PLG: variants seen among roughly 807,000 people sequenced by gnomAD.
PLG encodes the protein plasmin.
PLG carries 41 observed loss-of-function variants against 104.4 expected under a neutral mutation model. The ratio of observed to expected loss-of-function variants is 0.39; its 90% CI spans 0.31 to 0.51. The LOEUF is 0.51. PLG is among the 20% of genes least tolerant of loss of function. The pLI, the probability that PLG is intolerant of heterozygous loss-of-function variation, is 0.76. For synonymous variants in PLG, 337 were observed against 357.1 expected (o/e 0.94, Z 0.63); for missense variants, 891 against 1,003.6 (o/e 0.89, Z 1.52).
chr6:160,716,774 T>C lies in PLG; in HGVS notation c.787+11T>C. On this transcript the variant is annotated intron_variant, in intron 7 of 18. Transcript: ENST00000308192. ...ACATCCCCCGCTGCAGTGAGTATGA[T>C]GCACACCCAGATTCCAGGATTTGGA... The C allele has an allele frequency of 4.1e-6, 6 of 1,457,598 alleles. No homozygotes were observed. The highest frequency in any genetic ancestry group is 4.8e-6 in the Non-Finnish European group (5 of 1,037,358). 90.3% of individuals were successfully genotyped at this position (1,457,598 alleles called of 1,614,324 possible). A position where few individuals can be genotyped will look rare whatever the true frequency, so the allele number is the denominator to read the frequency against.
intron 10 of PLG, among the ~76,000 whole-genome samples, chr6:160,728,320 A>G (rs1387842441): frequency 2.0e-5 from 3 of 152,238 alleles, no homozygotes; most frequent in Admixed American, 2.0e-4. Context: ...ATAAAGATAT[A>G]TCACGCTTAT....
chr6:160,722,688 G>A, intron 10 of PLG, 121 bp downstream of exon 10: 1 of 830,336 alleles, frequency 1.2e-6, no homozygotes, highest in South Asian at 1.5e-5. Context: ...CCCAGAATGT[G>A]TAGAAAAATG....
chr6:160,738,402 T>C lies in PLG; in HGVS notation c.1803-136T>C. 1 of 715,292 alleles carries C rather than the reference T, an allele frequency of 1.4e-6. No homozygotes were observed. The highest frequency in any genetic ancestry group is 2.6e-6 in the Non-Finnish European group (1 of 388,488). The allele number at this position is 715,292 out of a possible 1,614,324, so 44.3% of individuals were successfully genotyped here. On this transcript the variant is annotated intron_variant, in intron 14 of 18. Transcript: ENST00000308192. The surrounding 1 kb of genome is among the most constrained non-coding windows in gnomAD (Gnocchi z 6.8). ...CTGGCCAAAATTACTACCATCCTGATGCTGGGCTTGCAGTCCTTTCCTTTG... is the reference window on the plus strand; with the variant it reads ...CTGGCCAAAATTACTACCATCCTGACGCTGGGCTTGCAGTCCTTTCCTTTG...
chr6:160,730,987 G>C, intron 10 of PLG, 64 bp from the exon 11 acceptor site: 1 of 1,492,080 alleles, frequency 6.7e-7, no homozygotes, highest in Non-Finnish European at 9.3e-7. Context: ...AAAATGTAGA[G>C]GGTGCTGGGT....
At chr6:160,705,720 T>A (rs192997452) in intron 1 of PLG, 1 of 152,444 alleles carries the variant, frequency 6.6e-6, no homozygotes, top group Admixed American at 6.5e-5. Flanking sequence ...CAAGTGACAG[T>A]GCCAGAACCA....
intron 10 of PLG, among the ~76,000 whole-genome samples, chr6:160,727,351 T>C (rs1242158952): frequency 6.7e-6 from 1 of 150,354 alleles, no homozygotes; most frequent in Admixed American, 6.6e-5. Flanking sequence ...TAAGTTCAGA[T>C]GGCATCATTA....
chr6:160,703,685 A>G (rs1414329064), intron 1 of PLG, among the ~76,000 whole-genome samples: 1 of 152,248 alleles, frequency 6.6e-6, no homozygotes, highest in Non-Finnish European at 1.5e-5. Context: ...GAGAAAATTA[A>G]AGAAATTTTT....
At chr6:160,705,091 C>T (rs560119239) in intron 1 of PLG, among the ~76,000 whole-genome samples, 89 of 152,296 alleles carry the variant, frequency 5.8e-4, no homozygotes, top group South Asian at 2.1e-3. Context: ...GCCCCCACCA[C>T]GCCCCTCAAA....
intron 17 of PLG, among the ~76,000 whole-genome samples, chr6:160,742,724 TC>T (rs1562381737): frequency 6.6e-6 from 1 of 152,172 alleles, no homozygotes; most frequent in African/African-American, 2.4e-5. Context: ...TTTTGCCCGT[TC>T]CTATGTCCAG....
Position 160,741,865 on chromosome 6 carries a change from A to G in PLG, c.2125+448A>G, listed in dbSNP as rs577943027. 2.0e-4 allele frequency among the ~76,000 whole-genome samples: 31 copies of G among 152,172 alleles called. 1 individual carries two copies. In the East Asian group the frequency reaches 4.3e-3, roughly 21 times the overall value. ...GTCTGTTGCTCTCTTCTTTGTGTCC[A>G]TGAGTTCTCATCACTTAGCTCCCAC... On this transcript the variant is annotated intron_variant, in intron 17 of 18. Transcript: ENST00000308192. The surrounding 1 kb of genome is among the most constrained non-coding windows in gnomAD (Gnocchi z 4.7).
chr6:160,748,362 A>AAGAAAGAAAGAAAGAAAGAGAGAGAGAG, intron 17 of PLG, among the ~76,000 whole-genome samples: 1 of 37,118 alleles, frequency 2.7e-5, no homozygotes, highest in Non-Finnish European at 5.3e-5. Flanking sequence ...GAAAGAAAGA[A>AAGAAAGAAAGAAAGAAAGAGAGAGAGAG]AGAAAGAAAG....
At chr6:160,708,936 A>G (rs1412690880) in intron 3 of PLG, among the ~76,000 whole-genome samples, 1 of 151,856 alleles carries the variant, frequency 6.6e-6, no homozygotes, top group Non-Finnish European at 1.5e-5. Context: ...AGCAAACGGT[A>G]AACTAAATAG....
intron 9 of PLG, among the ~76,000 whole-genome samples, chr6:160,720,044 G>T (rs1331646948): frequency 6.6e-6 from 1 of 152,068 alleles, no homozygotes; most frequent in Non-Finnish European, 1.5e-5. Flanking sequence ...TGTAGCACAG[G>T]TCTGCTACTG....
At chr6:160,733,956 C>A in intron 12 of PLG, 39 bp from the exon 13 acceptor site, 1 of 1,077,498 alleles carries the variant, frequency 9.3e-7, no homozygotes, top group African/African-American at 1.5e-5. Context: ...CCTCTCCTGC[C>A]CCACGTGAGC....
rs957838957 is a variant in PLG, at chr6:160,714,917, A to C, written c.668+3A>C. The C allele has an allele frequency of 6.2e-7, 1 of 1,613,164 alleles. No individual in the cohort carries two copies. Among genetic ancestry groups the C allele is most frequent in the African/African-American group, 1.3e-5 (1 of 74,920 alleles). On this transcript the variant is annotated splice_donor_region_variant and intron_variant, in intron 6 of 18. Transcript: ENST00000308192. ...GCTCATGGATACATTCCTTCCAAGTAAGTCTCACTGGGAAAAACATTCCAT... is the reference window on the plus strand; with the variant it reads ...GCTCATGGATACATTCCTTCCAAGTCAGTCTCACTGGGAAAAACATTCCAT...
At chr6:160,713,566 G>A (rs1036692888) in intron 5 of PLG, among the ~76,000 whole-genome samples, 1 of 152,144 alleles carries the variant, frequency 6.6e-6, no homozygotes, top group African/African-American at 2.4e-5. Flanking sequence ...ACCATGCCCA[G>A]CAGACCTGAA....
intron 10 of PLG, among the ~76,000 whole-genome samples, chr6:160,730,131 G>A (rs980191690): frequency 5.3e-5 from 8 of 152,222 alleles, no homozygotes; most frequent in Non-Finnish European, 2.9e-5. Flanking sequence ...TGGGAGGCAT[G>A]AGGGGGAGCA....
rs757799843 is a variant in PLG at position 160,739,088 on chromosome 6, A to G, written c.1898A>G (p.Tyr633Cys). ...CLEKSPRPSSYKVILGAHQEV... is the reference protein window; with the variant it reads ...CLEKSPRPSSCKVILGAHQEV... ...TCTAGGTCCCCAAGGCCTTCATCCT[A>G]CAAGGTCATCCTGGGTGCACACCAA... is the stretch of plus-strand genomic sequence containing the variant. Residue 633 changes from tyrosine to cysteine, a missense_variant, in exon 16 of 19, where the codon TAC becomes TGC. Around this residue, in one of 2 missense-constraint regions of PLG, gnomAD observed 854 missense variants for 932.1 expected, o/e 0.92. Transcript: ENST00000308192. This position sits in a 1 kb window ranked among gnomAD's most constrained non-coding sequence, Gnocchi z 4.4. 2 of 1,614,050 alleles carry G rather than the reference A, an allele frequency of 1.2e-6. No homozygotes were observed. Among genetic ancestry groups the G allele is most frequent in the South Asian group, 2.2e-5 (2 of 91,068 alleles).
chr6:160,704,583 G>C (rs749053318), intron 1 of PLG, among the ~76,000 whole-genome samples: 1 of 152,222 alleles, frequency 6.6e-6, no homozygotes, highest in Non-Finnish European at 1.5e-5. Flanking sequence ...TTGGCAGAAA[G>C]TGCGGGGTAA....
Sources: allele counts gnomAD v4.1 joint callset (sites outside exome capture counted in the v4.1 genomes callset), GRCh38; gene constraint gnomAD v4.1.1; regional missense constraint gnomAD v4.1.1; non-coding constraint Gnocchi (gnomAD v3.1); transcripts MANE v1.5; gene names NCBI Gene and HGNC (gene_info 2026-07-23, HGNC 2026-07-21).